Variants in ZSCAN5A observed in about 807,000 individuals in gnomAD.
ZSCAN5A encodes the protein zinc finger and SCAN domain-containing protein 5A.
ZSCAN5A carries 12 observed loss-of-function variants against 23.7 expected under a neutral mutation model. The observed-to-expected ratio is 0.51, with a 90% CI of 0.32 to 0.82. ZSCAN5A has a LOEUF of 0.82. Ranked by LOEUF, ZSCAN5A falls within the 40% of genes least tolerant of loss-of-function variation. ZSCAN5A has a pLI of 0.03. For missense variants in ZSCAN5A, 597 were observed against 617.9 expected, an observed-to-expected ratio of 0.97 and a Z score of 0.36; for synonymous variants, 257 against 239.9, an observed-to-expected ratio of 1.07 and a Z score of -0.66.
intron 2 of ZSCAN5A, among the ~76,000 whole-genome samples, chr19:56,253,371 T>G (rs1035460998): frequency 6.6e-6 from 1 of 151,696 alleles, no homozygotes; most frequent in East Asian, 1.9e-4. Context: ...AGAGAGAAAT[T>G]TGTGGACCCC....
chr19:56,232,907 C>T (rs936955608), intron 2 of ZSCAN5A, among the ~76,000 whole-genome samples: 1 of 152,136 alleles, frequency 6.6e-6, no homozygotes, highest in South Asian at 2.1e-4. Flanking sequence ...GTCTTTAACT[C>T]CTGGACCCAA....
chr19:56,289,469 G>T (rs771833745), intron 2 of ZSCAN5A, among the ~76,000 whole-genome samples: 1 of 152,188 alleles, frequency 6.6e-6, no homozygotes, highest in African/African-American at 2.4e-5. Flanking sequence ...TCTAGTTCGG[G>T]TAAGACGGAG....
chr19:56,231,814 G>GTACA (rs1447698859), intron 2 of ZSCAN5A, among the ~76,000 whole-genome samples: 1 of 152,048 alleles, frequency 6.6e-6, no homozygotes, highest in Non-Finnish European at 1.5e-5. Context: ...TCTGACATTT[G>GTACA]TACATACTCA....
chr19:56,328,472 C>T (rs567255886), intron 2 of ZSCAN5A, among the ~76,000 whole-genome samples: 1 of 149,362 alleles, frequency 6.7e-6, no homozygotes, highest in East Asian at 2.0e-4. Flanking sequence ...GGTGAAACCC[C>T]ATCTCTACTA....
chr19:56,341,669 A>C (rs186081833), intron 2 of ZSCAN5A, among the ~76,000 whole-genome samples: 51 of 151,208 alleles, frequency 3.4e-4, no homozygotes, highest in Non-Finnish European at 1.5e-5. Context: ...TAAGCAATAA[A>C]ACATAAAATC....
chr19:56,333,796 T>C (rs1254250031), intron 2 of ZSCAN5A, among the ~76,000 whole-genome samples: 3 of 151,930 alleles, frequency 2.0e-5, no homozygotes, highest in Non-Finnish European at 2.9e-5. Context: ...AGCCAAAAGA[T>C]GGTAGCAAAC....
chr19:56,302,173 C>T (rs1034084430), intron 2 of ZSCAN5A: 202 of 1,099,880 alleles, frequency 1.8e-4, no homozygotes, highest in Middle Eastern at 3.3e-4. Context: ...ACAGAGGAAG[C>T]GAAGGAGGGT....
At chr19:56,257,446 T>C (rs530362055) in intron 2 of ZSCAN5A, among the ~76,000 whole-genome samples, 1 of 152,270 alleles carries the variant, frequency 6.6e-6, no homozygotes, top group African/African-American at 2.4e-5. Context: ...AAACAGACCA[T>C]TGGTATGTGG....
intron 2 of ZSCAN5A, chr19:56,322,220 C>T (rs1406435633): frequency 1.1e-6 from 1 of 920,502 alleles, no homozygotes; most frequent in East Asian, 2.4e-5. Context: ...TTGTTTCCTT[C>T]TGTAATAAGC....
At chr19:56,229,614 CT>C (rs1338046650) in intron 2 of ZSCAN5A, among the ~76,000 whole-genome samples, 2 of 152,212 alleles carry the variant, frequency 1.3e-5, no homozygotes, top group African/African-American at 4.8e-5. Context: ...AAATCCTCCC[CT>C]CTGTAAACTC....
intron 2 of ZSCAN5A, among the ~76,000 whole-genome samples, chr19:56,243,669 C>T (rs1447144123): frequency 1.3e-5 from 2 of 151,618 alleles, no homozygotes; most frequent in African/African-American, 2.4e-5. Flanking sequence ...CATGTTGTTC[C>T]AATTGAAAAA....
At chr19:56,318,165 G>A (rs1018158354), upstream of ZSCAN5A, among the ~76,000 whole-genome samples, 14 of 152,194 alleles carry the variant, frequency 9.2e-5, no homozygotes, top group South Asian at 2.1e-4. Context: ...GTGTGTGTGC[G>A]TGCACGCAAG....
Position 56,313,349 on chromosome 19 carries a change from C to A in ZSCAN5A, c.-194G>T. The stretch of plus-strand genomic sequence containing the variant: ...GTCAAAGGCACGTCTCACATGGCAG[C>A]AGACAAGAGAAGAGAGCTTGAGCAG... On this transcript the variant is annotated 5_prime_UTR_variant, in exon 2 of 6. Transcript: ENST00000683990. 1 of 269,614 alleles carries A rather than the reference C, an allele frequency of 3.7e-6. No individual in the cohort carries two copies. The highest frequency in any genetic ancestry group is 7.5e-6 in the Non-Finnish European group (1 of 133,476). The allele number at this position is 269,614 out of a possible 1,614,324, so 16.7% of individuals were successfully genotyped here. A position where few individuals can be genotyped will look rare whatever the true frequency, so the allele number is the denominator to read the frequency against.
At chr19:56,244,908 G>C (rs1411162679) in intron 2 of ZSCAN5A, among the ~76,000 whole-genome samples, 2 of 152,116 alleles carry the variant, frequency 1.3e-5, no homozygotes, top group Non-Finnish European at 2.9e-5. Context: ...TCTGCCTCCA[G>C]GTCCCCAAAT....
At chr19:56,337,434 G>A (rs113724089) in intron 2 of ZSCAN5A, among the ~76,000 whole-genome samples, 14,565 of 152,274 alleles carry the variant, frequency 0.096, 761 homozygotes, top group South Asian at 0.16. Flanking sequence ...CATTGGAAAA[G>A]TGCAGTATTA....
intron 2 of ZSCAN5A, among the ~76,000 whole-genome samples, chr19:56,359,894 C>G (rs969367751): frequency 3.3e-5 from 5 of 152,148 alleles, no homozygotes; most frequent in African/African-American, 9.7e-5. Flanking sequence ...ATGATAAAAA[C>G]TCTCAATAAA....
chr19:56,237,166 T>A (rs2035001795), intron 2 of ZSCAN5A, among the ~76,000 whole-genome samples: 1 of 152,244 alleles, frequency 6.6e-6, no homozygotes, highest in Non-Finnish European at 1.5e-5. Context: ...TTACTCCGTT[T>A]TTTTGTGTTT....
rs68085541 is a variant in ZSCAN5A at position 56,331,578 on chromosome 19, CTTTTTTTT to C, written c.-357-15318_-357-15311del. Among the ~76,000 whole-genome samples, 18 of 48,962 alleles carry C rather than the reference CTTTTTTTT, an allele frequency of 3.7e-4. No homozygotes were observed. The South Asian group carries it at 5.0e-3, about 14-fold the overall frequency. 32.1% of individuals were successfully genotyped at this position (48,962 alleles called of 152,430 possible). ...CAGCTATTGTAAATGGAATTGCATT[CTTTTTTTT>C]TTTTTTTTTTTTTTTTTTTGAGACG... On this transcript the variant is annotated intron_variant, in intron 2 of 6. Coordinates refer to the ZSCAN5A transcript ENST00000587340.
chr19:56,245,332 G>A (rs778416878), intron 2 of ZSCAN5A: 17 of 748,968 alleles, frequency 2.3e-5, no homozygotes, highest in Middle Eastern at 2.3e-4. Flanking sequence ...CCAGCCAGCG[G>A]GCCTCCTCTG....
Sources: allele counts gnomAD v4.1 joint callset (sites outside exome capture counted in the v4.1 genomes callset), GRCh38; gene constraint gnomAD v4.1.1; transcripts MANE v1.5; gene names NCBI Gene and HGNC (gene_info 2026-07-23, HGNC 2026-07-21).